ERCC2: variants seen among roughly 807,000 people sequenced by gnomAD.
The protein encoded by ERCC2 is general transcription and DNA repair factor IIH helicase subunit XPD.
A neutral mutation model predicts 99.4 loss-of-function variants in ERCC2; 90 were observed. That is an observed-to-expected ratio of 0.91 (90% confidence interval 0.76 to 1.08). The LOEUF is 1.08. Among genes scored for constraint, ERCC2 ranks in the 50% least tolerant of loss-of-function variants. The probability of loss-of-function intolerance (pLI) is 0.00; values close to 1 mark genes in which losing one functional copy is unlikely to be tolerated. For synonymous variants in ERCC2, 497 were observed against 432.4 expected (o/e 1.15, Z -1.85); for missense variants, 993 against 1,038.1 (o/e 0.96, Z 0.60).
rs1436753496 is a variant in ERCC2, at chr19:45,350,843, C to T, written c.*786G>A. 6.3e-6 allele frequency: 8 copies of T among 1,278,442 alleles called. No homozygotes were observed. The African/African-American group carries it at 1.2e-4, about 19-fold the overall frequency. 79.2% of individuals were successfully genotyped at this position (1,278,442 alleles called of 1,614,324 possible). On this transcript the variant is annotated 3_prime_UTR_variant, in exon 23 of 23. Transcript: ENST00000391945. The stretch of plus-strand genomic sequence containing the variant: ...CATCTTGCTCAAGAACCTTCCATGG[C>T]TCCCATCTCCCCTGTGATACACACA...
At chr19:45,357,780 C>T in intron 12 of ERCC2, 81 bp from the exon 13 acceptor site, 1 of 1,270,764 alleles carries the variant, frequency 7.9e-7, no homozygotes, top group Non-Finnish European at 1.1e-6. Context: ...CTCTCCTGCT[C>T]CCTCGCTTCA....
Position 45,350,213 on chromosome 19 carries a change from G to C in ERCC2, c.*1416C>G, listed in dbSNP as rs1971659565. ...AAGGCAGGAGGATCACTTGAGGCTA[G>C]GAGTTCAAGACCAGCCTGGGCAACA... On this transcript the variant is annotated 3_prime_UTR_variant, in exon 23 of 23. Coordinates refer to ENST00000391945, the MANE Select transcript of ERCC2 (RefSeq NM_000400.4). The C allele has an allele frequency of 1.5e-6, 1 of 682,504 alleles. No individual in the cohort carries two copies. Among genetic ancestry groups the C allele is most frequent in the Non-Finnish European group, 2.5e-6 (1 of 405,046 alleles). 42.3% of individuals were successfully genotyped at this position (682,504 alleles called of 1,614,324 possible).
Position 45,363,766 on chromosome 19 carries a change from C to G in ERCC2, c.1095G>C (p.Val365=). The stretch of plus-strand genomic sequence containing the variant: ...ACCTGAGGGGCTTGCGCTGGATGCA[C>G]ACGCGCTGGGCCAGGCCGCTCAGGA... ...PAFLSGLAQR[V]CIQRKPLRFC... is the part of the protein sequence containing the mutation. The change falls in exon 11 of 23, where the codon GTG becomes GTC. Residue 365 remains valine, a synonymous_variant. Coordinates refer to ENST00000391945, the MANE Select transcript of ERCC2 (RefSeq NM_000400.4). 1 of 1,536,592 alleles carries G rather than the reference C, an allele frequency of 6.5e-7. No homozygotes were observed. Among genetic ancestry groups the G allele is most frequent in the Non-Finnish European group, 8.7e-7 (1 of 1,147,732 alleles).
At chr19:45,355,521 TG>T in intron 16 of ERCC2, 143 bp downstream of exon 16, 1 of 795,546 alleles carries the variant, frequency 1.3e-6, no homozygotes, top group Non-Finnish European at 2.2e-6. Context: ...CAGCTCACAG[TG>T]GACGTGTACC....
rs1304212330 is a variant in ERCC2, at chr19:45,352,814, G to A, written c.1834C>T (p.His612Tyr). The A allele has an allele frequency of 5.0e-6, 8 of 1,613,616 alleles. No homozygotes were observed. The highest frequency in any genetic ancestry group is 2.5e-6 in the Non-Finnish European group (3 of 1,179,780). ...ATGATGACGGCCCGCCCGTAGTGGT[G>A]CACTGGTGGGCAGAGGAGAGGGGGC... ...GKVSEGIDFV[H>Y]HYGRAVIMFG... Residue 612 changes from histidine (H) to tyrosine (Y), a missense_variant and splice_region_variant, in exon 20 of 23, where the codon CAC (histidine) becomes TAC (tyrosine). This residue lies in a region of ERCC2 where 909 missense variants were observed against 930.8 expected (regional missense o/e 0.98). Coordinates refer to ENST00000391945, the MANE Select transcript of ERCC2 (RefSeq NM_000400.4).
Position 45,355,534 on chromosome 19 carries a change from C to T in ERCC2, c.1543+131G>A, listed in dbSNP as rs145196687. On this transcript the variant is annotated intron_variant, in intron 16 of 22. Transcript: ENST00000391945. The stretch of plus-strand genomic sequence containing the variant: ...ACCAGCTCACAGTGGACGTGTACCA[C>T]GGGCAAGAAGGAAACTCTGGGCTGA... 414 of 872,220 alleles carry T rather than the reference C, an allele frequency of 4.7e-4. 1 individual carries two copies. Among genetic ancestry groups the T allele is most frequent in the African/African-American group, 4.4e-3 (266 of 60,424 alleles). The allele number at this position is 872,220 out of a possible 1,614,324, so 54.0% of individuals were successfully genotyped here. A position where few individuals can be genotyped will look rare whatever the true frequency, so the allele number is the denominator to read the frequency against.
chr19:45,352,170 C>A, intron 22 of ERCC2, 39 bp downstream of exon 22: 1 of 1,609,916 alleles, frequency 6.2e-7, no homozygotes, highest in Non-Finnish European at 8.5e-7. Context: ...AGGAGAAGCT[C>A]AGCCTGGGAG....
chr19:45,358,612 G>A (rs1408795445), intron 12 of ERCC2: 4 of 539,930 alleles, frequency 7.4e-6, no homozygotes, highest in South Asian at 6.2e-5. Flanking sequence ...TCCCCCCAGG[G>A]CCTTTATACT....
At position 45,352,801 on chromosome 19, in the gene ERCC2, C is replaced by G. The variant is rs376556895; in HGVS notation, c.1847G>C (p.Arg616Pro). 2.8e-4 allele frequency: 456 copies of G among 1,613,336 alleles called. No homozygotes were observed. Among genetic ancestry groups the G allele is most frequent in the Non-Finnish European group, 3.6e-4 (426 of 1,179,792 alleles). ...GGGGACGCCAAACATGATGACGGCC[C>G]GCCCGTAGTGGTGCACTGGTGGGCA... is the stretch of plus-strand genomic sequence containing the variant. ...EGIDFVHHYG[R>P]AVIMFGVPYV... Residue 616 changes from arginine (R) to proline (P), a missense_variant, in exon 20 of 23, where the codon CGG becomes CCG. Physicochemically the swap from Arg to Pro is moderately radical, Grantham distance 103. This residue lies in a region of ERCC2 where 909 missense variants were observed against 930.8 expected (regional missense o/e 0.98). Transcript: ENST00000391945.
At chr19:45,351,879 A>C (rs1176660069) in intron 22 of ERCC2, among the ~76,000 whole-genome samples, 158 bp from the exon 23 acceptor site, 2 of 152,228 alleles carry the variant, frequency 1.3e-5, no homozygotes, top group Non-Finnish European at 2.9e-5. Flanking sequence ...CATCCCTGTC[A>C]ACATAAGATG....
intron 1 of ERCC2, 137 bp downstream of exon 1, chr19:45,370,399 T>C: frequency 6.6e-7 from 1 of 1,508,466 alleles, no homozygotes; most frequent in Non-Finnish European, 8.9e-7. Flanking sequence ...CTATCACTGC[T>C]GCTCCCTGCG....
chr19:45,360,085 C>T (rs866819328), intron 12 of ERCC2, among the ~76,000 whole-genome samples: 1,438 of 142,284 alleles, frequency 0.01, 20 homozygotes, highest in African/African-American at 0.026. Flanking sequence ...TATTTTTTTT[C>T]TTTTTTTTTT....
In ERCC2 at chr19:45,363,727, C is replaced by G; in HGVS notation, c.1118+16G>C. On this transcript the variant is annotated intron_variant, in intron 11 of 22. Transcript: ENST00000391945. ...ACCTGCCGGGCCCCCACCCCGCGCG[C>G]TGTCTGGGGCCGCACCTGAGGGGCT... The G allele has an allele frequency of 6.5e-7, 1 of 1,526,886 alleles. No homozygotes were observed. Among genetic ancestry groups the G allele is most frequent in the East Asian group, 2.5e-5 (1 of 40,692 alleles). 94.6% of individuals were successfully genotyped at this position (1,526,886 alleles called of 1,614,324 possible).
intron 11 of ERCC2, 102 bp downstream of exon 11, chr19:45,363,641 C>G (rs1355427844): frequency 2.6e-5 from 34 of 1,322,200 alleles, no homozygotes; most frequent in Non-Finnish European, 3.3e-5. Context: ...TCACTCACTC[C>G]TGATGCTGCA....
rs962671598 is a variant in ERCC2, at chr19:45,351,217, G to A, written c.*412C>T. On this transcript the variant is annotated 3_prime_UTR_variant, in exon 23 of 23. Coordinates refer to ENST00000391945, the MANE Select transcript of ERCC2 (RefSeq NM_000400.4). ...GATAGTTGGCTGCCAGGCTGGACCT[G>A]GAGCTGGAGGGTGGATGTAACACTT... The A allele has an allele frequency of 6.3e-7, 1 of 1,589,492 alleles. No individual in the cohort carries two copies. Among genetic ancestry groups the A allele is most frequent in the Non-Finnish European group, 8.6e-7 (1 of 1,167,450 alleles).
At position 45,350,464 on chromosome 19, in the gene ERCC2, T is replaced by A. The variant is rs1971681872; in HGVS notation, c.*1165A>T. The stretch of plus-strand genomic sequence containing the variant: ...CCTAGCCCCTGTCTGTCTTCCCTCC[T>A]GGTGGCTTCTCTATGTCCCCATCTC... On this transcript the variant is annotated 3_prime_UTR_variant, in exon 23 of 23. Transcript: ENST00000391945. 8.7e-6 allele frequency: 14 copies of A among 1,613,006 alleles called. No individual in the cohort carries two copies. Among genetic ancestry groups the A allele is most frequent in the Non-Finnish European group, 1.1e-5 (13 of 1,179,370 alleles).
In ERCC2 at chr19:45,369,138, C is replaced by T. The variant is rs778210446; in HGVS notation, c.115G>A (p.Val39Ile). The T allele has an allele frequency of 3.1e-6, 5 of 1,614,074 alleles. No individual in the cohort carries two copies. The highest frequency in any genetic ancestry group is 2.2e-5 in the South Asian group (2 of 91,078). Reference sequence around the variant, plus strand: ...CCGGTGCCTGAGGGCATCTCCAGGACTCCATGACCCTGCATGTTGGGGACC... The same window carrying T: ...CCGGTGCCTGAGGGCATCTCCAGGATTCCATGACCCTGCATGTTGGGGACC... The part of the protein sequence containing the change: ...KRTLDAKGHG[V>I]LEMPSGTGKT... The change falls in exon 3 of 23, where the codon GTC becomes ATC. Residue 39 changes from valine (V) to isoleucine (I), a missense_variant. Physicochemically the swap from Val to Ile is conservative, Grantham distance 29 (BLOSUM62 3). This residue lies in a region of ERCC2 where 29 missense variants were observed against 62.1 expected (regional missense o/e 0.47). Transcript: ENST00000391945.
At position 45,364,094 on chromosome 19, in the gene ERCC2, G is replaced by A. The variant is rs1163966993; in HGVS notation, c.841C>T (p.Leu281=). ...LRIKETDEQR[L]RDEYRRLVEG... ...ACCAGACGCCGGTACTCGTCCCGCA[G>A]GCGCTGCTCGTCTGTCTCTTTGATC... Residue 281 remains leucine, a synonymous_variant, in exon 10 of 23, where the codon CTG becomes TTG. Transcript: ENST00000391945. 1 of 1,606,418 alleles carries A rather than the reference G, an allele frequency of 6.2e-7. No individual in the cohort carries two copies. The highest frequency in any genetic ancestry group is 8.5e-7 in the Non-Finnish European group (1 of 1,177,104).
intron 22 of ERCC2, among the ~76,000 whole-genome samples, 179 bp downstream of exon 22, chr19:45,352,030 T>TG (rs1475064191): frequency 6.6e-6 from 1 of 152,004 alleles, no homozygotes; most frequent in Admixed American, 6.6e-5. Flanking sequence ...CTGGCATCTG[T>TG]GGCCCCTCGA....
Sources: allele counts gnomAD v4.1 joint callset (sites outside exome capture counted in the v4.1 genomes callset), GRCh38; gene constraint gnomAD v4.1.1; regional missense constraint gnomAD v4.1.1; transcripts MANE v1.5; gene names NCBI Gene and HGNC (gene_info 2026-07-23, HGNC 2026-07-21).